POU2F2: variants seen among roughly 807,000 people sequenced by gnomAD.
POU2F2 encodes POU domain, class 2, transcription factor 2.
A neutral mutation model predicts 63.5 loss-of-function variants in POU2F2; 14 were observed. That is an observed-to-expected ratio of 0.22 (90% CI 0.15 to 0.34). The LOEUF (loss-of-function observed/expected upper bound fraction) is 0.34. Ranked by LOEUF, POU2F2 falls within the 10% of genes least tolerant of loss-of-function variation. The probability of loss-of-function intolerance (pLI) is 1.00; values close to 1 mark genes in which losing one functional copy is unlikely to be tolerated. For missense variants in POU2F2, 607 were observed against 815.2 expected (o/e 0.74, Z 3.11); for synonymous variants, 306 against 348.6 (o/e 0.88, Z 1.36).
At chr19:42,154,218 C>T (rs548945048) in intron 2 of POU2F2, among the ~76,000 whole-genome samples, 11 of 151,116 alleles carry the variant, frequency 7.3e-5, no homozygotes, top group African/African-American at 1.9e-4. Context: ...GGAGGGGGAG[C>T]GAGAGAGACA....
chr19:42,186,004 C>T (rs2035008186), intron 1 of POU2F2, among the ~76,000 whole-genome samples: 1 of 152,166 alleles, frequency 6.6e-6, no homozygotes, highest in South Asian at 2.1e-4. Context: ...ATCCTCCTGC[C>T]TCGGCCGCCC....
At chr19:42,180,210 C>G (rs1396758446), upstream of POU2F2, among the ~76,000 whole-genome samples, 1 of 152,156 alleles carries the variant, frequency 6.6e-6, no homozygotes, top group Non-Finnish European at 1.5e-5. Context: ...TCCCCCATGC[C>G]TACAAAGCTG....
At chr19:42,112,043 A>G (rs765678081) in intron 5 of POU2F2, among the ~76,000 whole-genome samples, 18 of 152,240 alleles carry the variant, frequency 1.2e-4, no homozygotes, top group Non-Finnish European at 2.5e-4. Context: ...TGGACTGCAT[A>G]TTACATCACA....
chr19:42,122,330 C>T lies in POU2F2; in HGVS notation c.129+14G>A. Reference sequence around the variant, plus strand: ...TCCTTCCCACCCCCTCCCGCTTATCCACTCCCTCCTAACCTGATGATTAGT... The same window carrying T: ...TCCTTCCCACCCCCTCCCGCTTATCTACTCCCTCCTAACCTGATGATTAGT... On this transcript the variant is annotated intron_variant, in intron 3 of 14. Transcript: ENST00000692977. The T allele has an allele frequency of 6.3e-7, 1 of 1,592,510 alleles. No homozygotes were observed. The highest frequency in any genetic ancestry group is 8.6e-7 in the Non-Finnish European group (1 of 1,165,318).
intron 5 of POU2F2, among the ~76,000 whole-genome samples, chr19:42,102,739 C>A (rs1301893762): frequency 6.6e-6 from 1 of 152,084 alleles, no homozygotes; most frequent in African/African-American, 2.4e-5. Flanking sequence ...TAGATGAAAT[C>A]CTATTTGCCA....
Position 42,144,502 on chromosome 19 carries a change from C to A in POU2F2, c.-9+15830G>T, listed in dbSNP as rs1014442302. Among the ~76,000 whole-genome samples the A allele has an allele frequency of 2.0e-5, 3 of 152,244 alleles. No homozygotes were observed. In the South Asian group the frequency reaches 6.2e-4, roughly 32 times the overall value. The stretch of plus-strand genomic sequence containing the variant: ...TCTTCCACACGATTCAGTTCCACAT[C>A]TTCAGGGAGGGCCCACTGTGCCAGA... On this transcript the variant is annotated intron_variant, in intron 2 of 6. Transcript: ENST00000524801.
In POU2F2 at chr19:42,092,162, G is replaced by A; in HGVS notation, c.1373C>T (p.Thr458Ile). 2.5e-6 allele frequency: 4 copies of A among 1,580,318 alleles called. No homozygotes were observed. The South Asian group carries it at 4.7e-5, about 18-fold the overall frequency. The stretch of plus-strand genomic sequence containing the variant: ...GTTGGTGGTGGCCGGGGGTGGGGGA[G>A]TGACAGAGGGGATGGAATTGAGGGG... ...APPLNSIPSV[T>I]PPPPATTNST... The change falls in exon 13 of 15, where the codon ACT (threonine) becomes ATT (isoleucine). Residue 458 changes from threonine (T) to isoleucine (I), a missense_variant. By Grantham distance (89) the Thr-to-Ile change is moderately conservative. Transcript: ENST00000692977. This position sits in a 1 kb window ranked among gnomAD's most constrained non-coding sequence, Gnocchi z 5.0.
chr19:42,170,277 G>A (rs1374163692), intron 1 of POU2F2, among the ~76,000 whole-genome samples: 1 of 151,876 alleles, frequency 6.6e-6, no homozygotes, highest in African/African-American at 2.4e-5. Flanking sequence ...CTCTGAAACA[G>A]GCAATCACAC....
chr19:42,112,698 G>A (rs2031293867), intron 5 of POU2F2, among the ~76,000 whole-genome samples: 1 of 152,126 alleles, frequency 6.6e-6, no homozygotes, highest in Non-Finnish European at 1.5e-5. Context: ...TCCCTGGGCA[G>A]GATAGCTACA....
intron 1 of POU2F2, among the ~76,000 whole-genome samples, 184 bp from the exon 2 acceptor site, chr19:42,122,760 G>T (rs2032796484): frequency 6.6e-6 from 1 of 152,100 alleles, no homozygotes; most frequent in African/African-American, 2.4e-5. Context: ...CCTCTGGCAA[G>T]ATGAGACACA....
chr19:42,175,896 C>G (rs530084838), intron 1 of POU2F2: 1 of 152,370 alleles, frequency 6.6e-6, no homozygotes, highest in African/African-American at 2.4e-5. Flanking sequence ...CTCCAAGGCA[C>G]CCCGTTCCTT....
At chr19:42,161,734 T>A (rs1258978832) in intron 1 of POU2F2, among the ~76,000 whole-genome samples, 1 of 151,992 alleles carries the variant, frequency 6.6e-6, no homozygotes, top group Admixed American at 6.5e-5. Context: ...CTGTCCTGTC[T>A]CTCCCTGGGC....
At position 42,156,293 on chromosome 19, in the gene POU2F2, T is replaced by G. The variant is rs1007278242; in HGVS notation, c.-9+4039A>C. The G allele has an allele frequency of 7.2e-5, 11 of 152,284 alleles. No individual in the cohort carries two copies. The highest frequency in any genetic ancestry group is 2.7e-4 in the African/African-American group (11 of 41,372). 9.4% of individuals were successfully genotyped at this position (152,284 alleles called of 1,614,324 possible). ...CTACACATCTATAATCCCCACCCCA[T>G]GGCTGACAAATATTCCCAGTCCACA... On this transcript the variant is annotated intron_variant, in intron 2 of 6. Coordinates refer to the POU2F2 transcript ENST00000524801. This position sits in a 1 kb window ranked among gnomAD's most constrained non-coding sequence, Gnocchi z 4.1.
At chr19:42,182,023 A>G (rs1017971337) in intron 1 of POU2F2, among the ~76,000 whole-genome samples, 40 of 152,222 alleles carry the variant, frequency 2.6e-4, no homozygotes, top group African/African-American at 9.6e-4. Context: ...CTCTGAGGAT[A>G]AAGGGTGTAA....
chr19:42,135,831 C>A (rs2033998993), upstream of POU2F2, among the ~76,000 whole-genome samples: 1 of 151,976 alleles, frequency 6.6e-6, no homozygotes, highest in Non-Finnish European at 1.5e-5. Flanking sequence ...CCTCCTCAGC[C>A]TCCCGAGTAG....
At chr19:42,176,837 G>A (rs1007940184), upstream of POU2F2, among the ~76,000 whole-genome samples, 7 of 151,710 alleles carry the variant, frequency 4.6e-5, no homozygotes, top group Non-Finnish European at 8.8e-5. Context: ...AGCGCGGTGC[G>A]GAGTGAGCGG....
At chr19:42,171,821 T>G (rs1266690388) in intron 1 of POU2F2, among the ~76,000 whole-genome samples, 2 of 152,024 alleles carry the variant, frequency 1.3e-5, no homozygotes, top group African/African-American at 2.4e-5. Context: ...CCAACCTTGT[T>G]GGTTTCTGTG....
chr19:42,133,204 C>T (rs2033881519), upstream of POU2F2, among the ~76,000 whole-genome samples: 1 of 152,166 alleles, frequency 6.6e-6, no homozygotes, highest in Non-Finnish European at 1.5e-5. The surrounding 1 kb of genome is among the most constrained non-coding windows in gnomAD (Gnocchi z 5.1). Context: ...TGGCTCTTCG[C>T]GCTGCGGCGC....
intron 7 of POU2F2, among the ~76,000 whole-genome samples, chr19:42,098,187 T>G (rs1417496038): frequency 1.3e-5 from 2 of 152,018 alleles, no homozygotes; most frequent in Non-Finnish European, 2.9e-5. Flanking sequence ...CCGAGGCAGG[T>G]GGATCACCTG....
Sources: allele counts gnomAD v4.1 joint callset (sites outside exome capture counted in the v4.1 genomes callset), GRCh38; gene constraint gnomAD v4.1.1; non-coding constraint Gnocchi (gnomAD v3.1); transcripts MANE v1.5; gene names NCBI Gene and HGNC (gene_info 2026-07-23, HGNC 2026-07-21).